The following IL12RB1 variants were observed in gnomAD, a reference collection of about 807,000 sequenced individuals.
The protein encoded by IL12RB1 is interleukin-12 receptor subunit beta-1.
In IL12RB1, 64 loss-of-function variants were observed where a neutral mutation model predicts 94.4. That is an observed-to-expected ratio of 0.68 (90% CI 0.55 to 0.83). The LOEUF is 0.83. Among genes scored for constraint, IL12RB1 ranks in the 40% least tolerant of loss-of-function variants. The pLI, the probability that IL12RB1 is intolerant of heterozygous loss-of-function variation, is 0.00. For missense variants in IL12RB1, 814 were observed against 855.6 expected (o/e 0.95, Z 0.61); for synonymous variants, 362 against 355.5 (o/e 1.02, Z -0.21).
chr19:18,096,620 A>G (rs551534123), intron 1 of IL12RB1, among the ~76,000 whole-genome samples: 11 of 152,168 alleles, frequency 7.2e-5, no homozygotes, highest in Admixed American at 3.3e-4. Context: ...GAATCACCTG[A>G]GGCCAGGAGT....
intron 1 of IL12RB1, among the ~76,000 whole-genome samples, chr19:18,092,654 G>A (rs1366963452): frequency 7.3e-6 from 1 of 136,156 alleles, no homozygotes; most frequent in African/African-American, 2.8e-5. Context: ...TAGGAGACAA[G>A]AGCAAAACTC....
chr19:18,098,063 TG>T (rs1260752404), intron 1 of IL12RB1, among the ~76,000 whole-genome samples: 1 of 152,110 alleles, frequency 6.6e-6, no homozygotes, highest in African/African-American at 2.4e-5. Context: ...CTCCAAGCGA[TG>T]GCGTGGGAGG....
intron 8 of IL12RB1, 148 bp downstream of exon 8, chr19:18,073,369 C>A: frequency 1.5e-6 from 1 of 680,704 alleles, no homozygotes; most frequent in East Asian, 2.7e-5. Flanking sequence ...CTCCCTATTA[C>A]CTTCAGAGTT....
chr19:18,086,885 A>C lies in IL12RB1; in HGVS notation c.-62T>G. 1 of 1,580,470 alleles carries C rather than the reference A, an allele frequency of 6.3e-7. No homozygotes were observed. The highest frequency in any genetic ancestry group is 8.6e-7 in the Non-Finnish European group (1 of 1,162,506). On this transcript the variant is annotated 5_prime_UTR_variant, in exon 1 of 17. Coordinates refer to ENST00000593993, the MANE Select transcript of IL12RB1 (RefSeq NM_005535.3). ...TCTCTGCCACCTGCGAGGTTCAGCC[A>C]CCCCGTCCCCACTCCGGAACACATT... is the stretch of plus-strand genomic sequence containing the variant.
chr19:18,092,161 G>A (rs2036658222), intron 1 of IL12RB1, among the ~76,000 whole-genome samples: 1 of 149,258 alleles, frequency 6.7e-6, no homozygotes, highest in East Asian at 2.0e-4. Context: ...ACCGGCGTAA[G>A]CCACCGCCCC....
In IL12RB1 at chr19:18,082,158, C is replaced by T; in HGVS notation, c.231G>A (p.Leu77=). 6.2e-7 allele frequency: 1 copy of T among 1,605,244 alleles called. No homozygotes were observed. Among genetic ancestry groups the T allele is most frequent in the South Asian group, 1.1e-5 (1 of 90,818 alleles). Reference sequence around the variant, plus strand: ...GGTAGAGGGGTCCTCACCAACACCGCAGGAAGTGGCTGACCCCAGCTGTGG... The same window carrying T: ...GGTAGAGGGGTCCTCACCAACACCGTAGGAAGTGGCTGACCCCAGCTGTGG... ...EGPTAGVSHF[L]RCCLSSGRCC... The change falls in exon 3 of 17, where the codon CTG becomes CTA. Residue 77 remains leucine, a synonymous_variant. Coordinates refer to ENST00000593993, the MANE Select transcript of IL12RB1 (RefSeq NM_005535.3).
chr19:18,064,943 C>G (rs2034468674), intron 12 of IL12RB1, among the ~76,000 whole-genome samples: 1 of 152,188 alleles, frequency 6.6e-6, no homozygotes, highest in African/African-American at 2.4e-5. Context: ...CATGGCAACA[C>G]CCGGAAATTA....
intron 16 of IL12RB1, 104 bp downstream of exon 16, chr19:18,059,790 T>G: frequency 1.3e-6 from 1 of 745,240 alleles, no homozygotes; most frequent in Non-Finnish European, 2.4e-6. Context: ...CGTTTCTCCC[T>G]CAGGCCTCCA....
chr19:18,088,649 C>T (rs2036492296), upstream of IL12RB1, among the ~76,000 whole-genome samples: 1 of 151,620 alleles, frequency 6.6e-6, no homozygotes, highest in South Asian at 2.1e-4. Context: ...ATTTTGTTTC[C>T]TGCCCCTCCC....
chr19:18,085,674 A>G (rs753087970), intron 1 of IL12RB1, among the ~76,000 whole-genome samples: 7 of 152,004 alleles, frequency 4.6e-5, no homozygotes, highest in Non-Finnish European at 1.0e-4. Context: ...CAGTGCTGCA[A>G]TCTCGGCTCA....
chr19:18,089,169 G>C (rs556628927), upstream of IL12RB1, among the ~76,000 whole-genome samples: 10 of 152,172 alleles, frequency 6.6e-5, no homozygotes, highest in African/African-American at 2.4e-4. Flanking sequence ...GCAGACAGTA[G>C]CTGAGTGGTT....
intron 5 of IL12RB1, 89 bp downstream of exon 5, chr19:18,077,427 G>A (rs1430270159): frequency 2.0e-6 from 2 of 1,004,910 alleles, no homozygotes; most frequent in Non-Finnish European, 3.1e-6. Flanking sequence ...TTGGGAGCGG[G>A]GACAGATGCA....
upstream of IL12RB1, among the ~76,000 whole-genome samples, chr19:18,088,565 TAAAAAAA>T (rs778266743): frequency 7.7e-6 from 1 of 129,640 alleles, no homozygotes; most frequent in Non-Finnish European, 1.7e-5. Context: ...TCCTGTCTCT[TAAAAAAA>T]AAAAAAAAAA....
intron 11 of IL12RB1, among the ~76,000 whole-genome samples, chr19:18,068,092 C>G (rs2034727120): frequency 1.7e-5 from 2 of 120,558 alleles, no homozygotes; most frequent in Non-Finnish European, 3.2e-5. Flanking sequence ...GTGGCATGAT[C>G]TCAGCTCACT....
exon 1 of IL12RB1, chr19:18,098,893 G>A: frequency 2.3e-6 from 1 of 440,216 alleles, no homozygotes; most frequent in East Asian, 7.0e-5. Context: ...TGACCCCACG[G>A]AGTGATCAGT....
chr19:18,084,929 A>G (rs2036223962), intron 1 of IL12RB1, among the ~76,000 whole-genome samples: 1 of 152,204 alleles, frequency 6.6e-6, no homozygotes, highest in South Asian at 2.1e-4. Flanking sequence ...CAGCATGGGG[A>G]AAGACAGTAG....
intron 2 of IL12RB1, among the ~76,000 whole-genome samples, chr19:18,082,803 A>C (rs439409): frequency 1.3e-5 from 2 of 151,984 alleles, no homozygotes; most frequent in Non-Finnish European, 2.9e-5. Context: ...ATGGCCGGGC[A>C]CGGTGGCTCA....
rs745650017 is a variant in IL12RB1 at position 18,098,720 on chromosome 19, GTTT to G, written c.-230+32_-230+34del. 60 of 456,694 alleles carry G rather than the reference GTTT, an allele frequency of 1.3e-4. 1 individual carries two copies. Among genetic ancestry groups the G allele is most frequent in the South Asian group, 9.3e-4 (60 of 64,572 alleles). The allele number at this position is 456,694 out of a possible 1,614,324, so 28.3% of individuals were successfully genotyped here. Reference sequence around the variant, plus strand: ...GACCACACCCTTAAGAAGCCACCAAGTTTTCAGGTAGGGAACCTGGGATTCAGC... The same window carrying G: ...GACCACACCCTTAAGAAGCCACCAAGTCAGGTAGGGAACCTGGGATTCAGC... On this transcript the variant is annotated intron_variant, in intron 1 of 4. Transcript: ENST00000594176.
At chr19:18,069,747 T>C in intron 9 of IL12RB1, 34 bp from the exon 10 acceptor site, 1 of 1,510,930 alleles carries the variant, frequency 6.6e-7, no homozygotes, top group Non-Finnish European at 9.2e-7. Flanking sequence ...ATCGAGACAG[T>C]TGCCATCTCT....
Sources: allele counts gnomAD v4.1 joint callset (sites outside exome capture counted in the v4.1 genomes callset), GRCh38; gene constraint gnomAD v4.1.1; transcripts MANE v1.5; gene names NCBI Gene and HGNC (gene_info 2026-07-23, HGNC 2026-07-21).